IQCM: variants seen among roughly 807,000 people sequenced by gnomAD.
The protein encoded by IQCM is IQ motif containing M.
IQCM carries 45 observed loss-of-function variants against 57.6 expected under a neutral mutation model. That is an observed-to-expected ratio of 0.78 (90% CI 0.62 to 1.00). IQCM has a LOEUF of 1.00. IQCM is among the 50% of genes least tolerant of loss of function. The probability of loss-of-function intolerance (pLI) is 0.00; values close to 1 mark genes in which losing one functional copy is unlikely to be tolerated. For missense variants in IQCM, 468 were observed against 511.6 expected, an observed-to-expected ratio of 0.91 and a Z score of 0.82; for synonymous variants, 148 against 158.9, an observed-to-expected ratio of 0.93 and a Z score of 0.51.
intron 7 of IQCM, among the ~76,000 whole-genome samples, chr4:149,664,871 T>A (rs1222248094): frequency 6.6e-6 from 1 of 152,096 alleles, no homozygotes; most frequent in Non-Finnish European, 1.5e-5. Context: ...ATACACAGCC[T>A]CAGTGGGCCA....
intron 12 of IQCM, among the ~76,000 whole-genome samples, chr4:149,520,193 A>G (rs1272128265): frequency 1.3e-5 from 2 of 151,820 alleles, no homozygotes; most frequent in Non-Finnish European, 2.9e-5. Context: ...TTTATTCCAC[A>G]AAAAACCGTA....
intron 5 of IQCM, chr4:149,691,114 G>T (rs1762911755): frequency 6.6e-6 from 1 of 152,056 alleles, no homozygotes; most frequent in African/African-American, 2.4e-5. Context: ...TAAAATATTT[G>T]CCATATGCCA....
At chr4:149,482,920 G>A (rs4835585) in intron 12 of IQCM, among the ~76,000 whole-genome samples, 81,207 of 151,298 alleles carry the variant, frequency 0.54, 21,998 homozygotes, top group Non-Finnish European at 0.57. Flanking sequence ...ACTGGTAGAT[G>A]TTTTATTATG....
chr4:149,588,020 T>A, intron 8 of IQCM, 23 bp from the exon 9 acceptor site: 1 of 1,097,818 alleles, frequency 9.1e-7, no homozygotes, highest in Non-Finnish European at 1.2e-6. Flanking sequence ...AAAGAAGAGT[T>A]GACATAAGTA....
At chr4:149,763,500 T>C (rs1769735073) in intron 2 of IQCM, among the ~76,000 whole-genome samples, 1 of 151,896 alleles carries the variant, frequency 6.6e-6, no homozygotes, top group African/African-American at 2.4e-5. Context: ...TCAGAGGGAA[T>C]CTCACAAAAG....
intron 12 of IQCM, among the ~76,000 whole-genome samples, chr4:149,463,286 C>G (rs1029974088): frequency 1.3e-5 from 2 of 152,084 alleles, no homozygotes; most frequent in Non-Finnish European, 2.9e-5. Context: ...CTGCTATTAA[C>G]CATAATTGGG....
chr4:149,782,474 G>C (rs928821767), intron 2 of IQCM, among the ~76,000 whole-genome samples: 3 of 151,820 alleles, frequency 2.0e-5, no homozygotes, highest in Non-Finnish European at 4.4e-5. Context: ...GCCAGATGTG[G>C]TGGCACACAG....
At chr4:149,624,255 C>T (rs770821983) in intron 7 of IQCM, among the ~76,000 whole-genome samples, 10 of 151,914 alleles carry the variant, frequency 6.6e-5, no homozygotes, top group Non-Finnish European at 1.3e-4. Flanking sequence ...AGTGAAAGGT[C>T]CCATAGAATC....
intron 5 of IQCM, among the ~76,000 whole-genome samples, chr4:149,722,486 A>AGTTTCATTC (rs534526862): frequency 2.0e-5 from 3 of 152,094 alleles, no homozygotes; most frequent in Non-Finnish European, 4.4e-5. Flanking sequence ...ATAGAGATCC[A>AGTTTCATTC]GTTTCATTCT....
rs908759779 is a variant in IQCM at position 149,618,259 on chromosome 4, C to T, written c.681+2870G>A. Among the ~76,000 whole-genome samples, 4 of 152,180 alleles carry T rather than the reference C, an allele frequency of 2.6e-5. No individual in the cohort carries two copies. The South Asian group carries it at 8.3e-4, about 32-fold the overall frequency. On this transcript the variant is annotated intron_variant, in intron 8 of 13. Coordinates refer to ENST00000636793, the MANE Select transcript of IQCM (RefSeq NM_001363507.2). The stretch of plus-strand genomic sequence containing the variant: ...TAAAAAATACATTGGGAAAAGGACA[C>T]CCTATTCAAGAAATGGTGCTGGTAA...
chr4:149,605,972 G>A (rs976193137), intron 8 of IQCM, among the ~76,000 whole-genome samples: 3 of 152,162 alleles, frequency 2.0e-5, no homozygotes, highest in Non-Finnish European at 4.4e-5. Context: ...CCTGGATGGT[G>A]TTTCTAAACC....
At chr4:149,509,831 T>G (rs1395032783) in intron 12 of IQCM, among the ~76,000 whole-genome samples, 2 of 152,114 alleles carry the variant, frequency 1.3e-5, no homozygotes, top group African/African-American at 4.8e-5. Context: ...TGATTCTAAT[T>G]CATCCATAAT....
At chr4:149,511,177 T>C (rs1744372276) in intron 12 of IQCM, among the ~76,000 whole-genome samples, 4 of 152,050 alleles carry the variant, frequency 2.6e-5, no homozygotes, top group African/African-American at 9.7e-5. Context: ...TTTCGCTGAG[T>C]TAAATCTTAT....
At chr4:149,506,808 C>G (rs927894230) in intron 12 of IQCM, among the ~76,000 whole-genome samples, 1 of 152,146 alleles carries the variant, frequency 6.6e-6, no homozygotes, top group African/African-American at 2.4e-5. Flanking sequence ...CTGGTTACCT[C>G]TTATCTCCCC....
rs528040519 is a variant in IQCM, at chr4:149,501,443, T to C, written c.1228+47012A>G. 6.5e-4 allele frequency among the ~76,000 whole-genome samples: 99 copies of C among 152,244 alleles called. No individual in the cohort carries two copies. The Middle Eastern group carries it at 0.01, about 16-fold the overall frequency. On this transcript the variant is annotated intron_variant, in intron 12 of 13. Transcript: ENST00000636793. Reference sequence around the variant, plus strand: ...GACAGTAAGAAACTCCTGTTAGAAATTGCAGAAGAAACTGCAGCCATCTAG... The same window carrying C: ...GACAGTAAGAAACTCCTGTTAGAAACTGCAGAAGAAACTGCAGCCATCTAG...
chr4:149,443,377 G>T (rs1031646582), intron 12 of IQCM, among the ~76,000 whole-genome samples: 5 of 152,046 alleles, frequency 3.3e-5, no homozygotes, highest in African/African-American at 1.2e-4. Flanking sequence ...GATATAAAAA[G>T]TGTCCTTTGG....
chr4:149,800,542 A>G (rs2150047721), intron 2 of IQCM, among the ~76,000 whole-genome samples: 1 of 152,130 alleles, frequency 6.6e-6, no homozygotes, highest in East Asian at 1.9e-4. Flanking sequence ...ACTGGAAAGG[A>G]AAAAGTCAAA....
At chr4:149,607,464 C>T (rs986827338) in intron 8 of IQCM, among the ~76,000 whole-genome samples, 1 of 152,050 alleles carries the variant, frequency 6.6e-6, no homozygotes, top group African/African-American at 2.4e-5. Flanking sequence ...ATACAACTCA[C>T]TGCTAAAAGT....
rs993983054 is a variant in IQCM at position 149,502,081 on chromosome 4, T to A, written c.1228+46374A>T. Among the ~76,000 whole-genome samples the A allele has an allele frequency of 1.4e-5, 2 of 147,034 alleles. 1 individual carries two copies. The highest frequency in any genetic ancestry group is 5.5e-5 in the African/African-American group (2 of 36,620). On this transcript the variant is annotated intron_variant, in intron 12 of 13. Transcript: ENST00000636793. ...AGACAGTGAGAATACATCAAACCAC[T>A]TATGGGTAATTACTAACCATGAATA...
Sources: gnomAD v4.1 joint callset for allele counts (sites outside exome capture counted in the v4.1 genomes callset) on GRCh38, gnomAD v4.1.1 for gene constraint, MANE v1.5 for transcripts, NCBI Gene and HGNC (gene_info 2026-07-23, HGNC 2026-07-21) for gene names.